POLQ: variants seen among roughly 807,000 people sequenced by gnomAD.
The protein encoded by POLQ is DNA polymerase theta.
In POLQ, 233 loss-of-function variants were observed where a neutral mutation model predicts 259.2. The observed-to-expected ratio is 0.90, with a 90% CI of 0.81 to 1.00. The LOEUF is 1.00. Ranked by LOEUF, POLQ falls within the 50% of genes least tolerant of loss-of-function variation. POLQ has a pLI of 0.00. For missense variants in POLQ, 2,871 were observed against 3,051.6 expected, an observed-to-expected ratio of 0.94 and a Z score of 1.39; for synonymous variants, 1,025 against 1,048.8, an observed-to-expected ratio of 0.98 and a Z score of 0.44.
At chr3:121,480,233 C>T (rs1486823910) in intron 19 of POLQ, among the ~76,000 whole-genome samples, 1 of 151,850 alleles carries the variant, frequency 6.6e-6, no homozygotes, top group Non-Finnish European at 1.5e-5. Context: ...AATAATCTTA[C>T]AGTTATTAAA....
chr3:121,477,026 T>C (rs985407502), intron 19 of POLQ, among the ~76,000 whole-genome samples: 1 of 152,220 alleles, frequency 6.6e-6, no homozygotes, highest in Non-Finnish European at 1.5e-5. Context: ...TTTCTGCTTC[T>C]ACTCTTAGCA....
chr3:121,539,781 A>C (rs2048477770), intron 3 of POLQ, among the ~76,000 whole-genome samples, 192 bp from the exon 4 acceptor site: 1 of 152,214 alleles, frequency 6.6e-6, no homozygotes. Context: ...AGAACTGACA[A>C]AACTGTTAAG....
intron 7 of POLQ, among the ~76,000 whole-genome samples, chr3:121,523,837 T>C (rs1467143575): frequency 6.6e-6 from 1 of 152,206 alleles, no homozygotes; most frequent in East Asian, 1.9e-4. Context: ...TTTCATACAT[T>C]TTTAAATTTT....
chr3:121,447,635 A>C lies in POLQ; in HGVS notation c.7264+1680T>G, dbSNP rs1252997067. ...TGTGTCTCTCTGCGTACTTAATATT[A>C]CCAGTGAGTTCTGTACCTTTAGGTT... On this transcript the variant is annotated intron_variant, in intron 26 of 29. Transcript: ENST00000264233. Among the ~76,000 whole-genome samples, 3 of 152,234 alleles carry C rather than the reference A, an allele frequency of 2.0e-5. No individual in the cohort carries two copies. In the East Asian group the frequency reaches 5.8e-4, roughly 29 times the overall value.
At chr3:121,433,379 T>C (rs918301995) in intron 28 of POLQ, among the ~76,000 whole-genome samples, 1 of 152,144 alleles carries the variant, frequency 6.6e-6, no homozygotes, top group Non-Finnish European at 1.5e-5. Context: ...ACCAGGGAGG[T>C]ATGGGGCCTG....
intron 7 of POLQ, among the ~76,000 whole-genome samples, chr3:121,523,026 G>A (rs2048348732): frequency 6.6e-6 from 1 of 151,962 alleles, no homozygotes; most frequent in Non-Finnish European, 1.5e-5. Flanking sequence ...AGAGCTTAAC[G>A]TTTTTTTGAG....
intron 10 of POLQ, among the ~76,000 whole-genome samples, chr3:121,511,360 T>G (rs976326106): frequency 6.6e-6 from 1 of 151,932 alleles, no homozygotes; most frequent in South Asian, 2.1e-4. Flanking sequence ...ATTGCACCAC[T>G]GCACTCCAGC....
At chr3:121,516,463 C>T (rs937999552) in intron 9 of POLQ, among the ~76,000 whole-genome samples, 11 of 152,198 alleles carry the variant, frequency 7.2e-5, no homozygotes, top group African/African-American at 2.2e-4. Flanking sequence ...AATGAACTGC[C>T]CTTTTCCTGA....
chr3:121,489,257 C>T lies in POLQ; in HGVS notation c.3674G>A (p.Ser1225Asn), dbSNP rs2048042240. ...ERQMPCEAVSSYINRDSNVTI... is the reference protein window; with the variant it reads ...ERQMPCEAVSNYINRDSNVTI... ...AACATTTGAGTCTCTATTTATGTAACTACTGACTGCTTCACAGGGCATTTG... is the reference window on the plus strand; with the variant it reads ...AACATTTGAGTCTCTATTTATGTAATTACTGACTGCTTCACAGGGCATTTG... The change falls in exon 16 of 30, where the codon AGT becomes AAT. Residue 1225 changes from serine to asparagine, a missense_variant. Physicochemically the swap from Ser to Asn is conservative, Grantham distance 46. Transcript: ENST00000264233. 1 of 1,613,342 alleles carries T rather than the reference C, an allele frequency of 6.2e-7. No homozygotes were observed. Among genetic ancestry groups the T allele is most frequent in the African/African-American group, 1.3e-5 (1 of 74,916 alleles).
chr3:121,528,449 T>G (rs1388212515), intron 7 of POLQ, among the ~76,000 whole-genome samples: 1 of 151,986 alleles, frequency 6.6e-6, no homozygotes, highest in East Asian at 2.0e-4. Context: ...GTTCAAGTGA[T>G]TCTCCCACCT....
At chr3:121,512,587 A>C (rs2048263445) in intron 9 of POLQ, among the ~76,000 whole-genome samples, 1 of 152,222 alleles carries the variant, frequency 6.6e-6, no homozygotes, top group South Asian at 2.1e-4. Flanking sequence ...CCCAGGTTAA[A>C]CAGTTTCTCA....
chr3:121,500,476 T>C (rs907130515), intron 12 of POLQ, among the ~76,000 whole-genome samples: 2 of 151,996 alleles, frequency 1.3e-5, no homozygotes, highest in African/African-American at 4.8e-5. Context: ...ATATCCAAGC[T>C]GGCATAAGAA....
intron 18 of POLQ, among the ~76,000 whole-genome samples, chr3:121,482,792 T>C (rs1331402006): frequency 1.3e-5 from 2 of 152,202 alleles, no homozygotes; most frequent in Non-Finnish European, 2.9e-5. Context: ...GACTCAATTC[T>C]TTCTTTTGTA....
intron 2 of POLQ, among the ~76,000 whole-genome samples, chr3:121,542,182 G>A (rs2048495226): frequency 6.6e-6 from 1 of 151,732 alleles, no homozygotes; most frequent in African/African-American, 2.4e-5. Flanking sequence ...AAGTTGCAAG[G>A]AATCTTATGG....
intron 25 of POLQ, among the ~76,000 whole-genome samples, chr3:121,451,199 T>C (rs2108778770): frequency 6.6e-6 from 1 of 152,338 alleles, no homozygotes; most frequent in East Asian, 1.9e-4. Context: ...CTAATCTTTT[T>C]TCAAGGTTTT....
chr3:121,545,825 T>A lies in POLQ; in HGVS notation c.53A>T (p.Asp18Val). The A allele has an allele frequency of 2.5e-6, 4 of 1,613,878 alleles. No homozygotes were observed. The highest frequency in any genetic ancestry group is 3.4e-6 in the Non-Finnish European group (4 of 1,179,960). ...GKRRRSESGS[D>V]SFSGSGGDSS... is the part of the protein sequence containing the mutation. ...GTCACCGCCGCTTCCCGAGAACGAA[T>A]CTGAGCCTGATTCTGAACGCCGCCG... The change falls in exon 1 of 30, where the codon GAT becomes GTT. Residue 18 changes from aspartate to valine, a missense_variant. By Grantham distance (152) the Asp-to-Val change is radical. Coordinates refer to ENST00000264233, the MANE Select transcript of POLQ (RefSeq NM_199420.4).
intron 13 of POLQ, among the ~76,000 whole-genome samples, chr3:121,497,754 A>C (rs951019985): frequency 2.0e-5 from 3 of 152,098 alleles, no homozygotes; most frequent in Admixed American, 6.6e-5. Context: ...TTATATTTCA[A>C]AGAAGCTAAC....
chr3:121,454,207 A>T (rs1234265216), intron 25 of POLQ, among the ~76,000 whole-genome samples: 5 of 152,188 alleles, frequency 3.3e-5, no homozygotes, highest in African/African-American at 9.6e-5. Flanking sequence ...CCACCTGGCC[A>T]GCCCTAAAAG....
Position 121,487,330 on chromosome 3 carries a change from A to G in POLQ, c.5601T>C (p.Thr1867=), listed in dbSNP as rs1343644918. The change falls in exon 16 of 30, where the codon ACT becomes ACC. Residue 1867 remains threonine, a synonymous_variant. Coordinates refer to ENST00000264233, the MANE Select transcript of POLQ (RefSeq NM_199420.4). ...GCTTAAACCTACTGCCAATAGTAGC[A>G]GTTTTAGAAGATGTCAAACTTCTAA... ...EKIRSLTSSK[T]ATIGSRFKQA... The G allele has an allele frequency of 1.3e-6, 2 of 1,594,840 alleles. No homozygotes were observed. The highest frequency in any genetic ancestry group is 1.7e-6 in the Non-Finnish European group (2 of 1,172,654).
Sources: allele counts gnomAD v4.1 joint callset (sites outside exome capture counted in the v4.1 genomes callset), GRCh38; gene constraint gnomAD v4.1.1; transcripts MANE v1.5; gene names NCBI Gene and HGNC (gene_info 2026-07-23, HGNC 2026-07-21).